Variants in PTPRG observed in about 807,000 individuals in gnomAD.
PTPRG encodes receptor-type tyrosine-protein phosphatase gamma.
Under a neutral mutation model 165.3 loss-of-function variants are expected in PTPRG, and 102 were observed. The ratio of observed to expected loss-of-function variants is 0.62; its 90% confidence interval spans 0.53 to 0.73. The LOEUF is 0.73. Among genes scored for constraint, PTPRG ranks in the 30% least tolerant of loss-of-function variants. The pLI is 0.00. For missense variants in PTPRG, 1,866 were observed against 1,861.4 expected (o/e 1.00, Z -0.05); for synonymous variants, 675 against 669.5 (o/e 1.01, Z -0.13).
chr3:62,060,004 A>G (rs2107560), intron 4 of PTPRG, among the ~76,000 whole-genome samples: 115,174 of 151,974 alleles, frequency 0.76, 44,996 homozygotes, highest in South Asian at 0.92. Flanking sequence ...CCAGTCTTGG[A>G]TATGTCTTTA....
intron 2 of PTPRG, among the ~76,000 whole-genome samples, chr3:61,882,346 C>T (rs1203876265): frequency 6.6e-6 from 1 of 152,198 alleles, no homozygotes; most frequent in Admixed American, 6.5e-5. Flanking sequence ...GATTTGTACT[C>T]TGTTTTGGGA....
intron 1 of PTPRG, among the ~76,000 whole-genome samples, chr3:61,643,495 A>G (rs959496069): frequency 1.3e-5 from 2 of 152,216 alleles, no homozygotes; most frequent in African/African-American, 2.4e-5. Context: ...AAAAGCACCT[A>G]TTGGCTGGGC....
At chr3:61,836,845 A>G (rs999975465) in intron 2 of PTPRG, among the ~76,000 whole-genome samples, 1 of 151,832 alleles carries the variant, frequency 6.6e-6, no homozygotes, top group African/African-American at 2.4e-5. Context: ...CCCGGGTTCA[A>G]GCAGTTCTCC....
chr3:62,049,281 C>G (rs1276172847), intron 4 of PTPRG, among the ~76,000 whole-genome samples: 2 of 152,138 alleles, frequency 1.3e-5, no homozygotes, highest in Non-Finnish European at 2.9e-5. Context: ...ATGCATGCCA[C>G]TTTTCACTGG....
At chr3:61,843,737 C>G (rs998474156) in intron 2 of PTPRG, among the ~76,000 whole-genome samples, 1 of 151,434 alleles carries the variant, frequency 6.6e-6, no homozygotes, top group Non-Finnish European at 1.5e-5. Flanking sequence ...AATCGTAGCT[C>G]AAATCATTTT....
chr3:62,163,186 A>G (rs1048967219), intron 7 of PTPRG, among the ~76,000 whole-genome samples: 24 of 152,268 alleles, frequency 1.6e-4, no homozygotes, highest in Non-Finnish European at 2.6e-4. Context: ...CTCCTCCAGC[A>G]TTGAGGATTA....
At position 62,203,549 on chromosome 3, in the gene PTPRG, A is replaced by G. The variant is rs772888720; in HGVS notation, c.1754A>G (p.Lys585Arg). 2.6e-6 allele frequency: 4 copies of G among 1,553,052 alleles called. No homozygotes were observed. The African/African-American group carries it at 5.5e-5, about 21-fold the overall frequency. Reference sequence around the variant, plus strand: ...ACCGAGGAAGGAGAGAAGGATGAGAAAAGCGAGAGTGAGGATGGGGAGCGG... The same window carrying G: ...ACCGAGGAAGGAGAGAAGGATGAGAGAAGCGAGAGTGAGGATGGGGAGCGG... ...EGTEEGEKDEKSESEDGEREH... is the reference protein window; with the variant it reads ...EGTEEGEKDERSESEDGEREH... The change falls in exon 12 of 30, where the codon AAA becomes AGA. Residue 585 changes from lysine to arginine, a missense_variant. Lys to Arg is a conservative substitution (Grantham distance 26, BLOSUM62 2). This residue lies in a region of PTPRG where 1,452 missense variants were observed against 1,463.0 expected (regional missense o/e 0.99). Transcript: ENST00000474889. The surrounding 1 kb of genome is among the most constrained non-coding windows in gnomAD (Gnocchi z 6.4).
Position 61,937,807 on chromosome 3 carries a change from G to A in PTPRG, c.191-51818G>A, listed in dbSNP as rs544075208. Among the ~76,000 whole-genome samples the A allele has an allele frequency of 1.1e-4, 17 of 152,222 alleles. No individual in the cohort carries two copies. The South Asian group carries it at 2.7e-3, about 24-fold the overall frequency. ...TCCCAGCTCCAGTATATTTATTAACGTCTTTTGAGTAAAGTCTTAAAATTA... is the reference window on the plus strand; with the variant it reads ...TCCCAGCTCCAGTATATTTATTAACATCTTTTGAGTAAAGTCTTAAAATTA... On this transcript the variant is annotated intron_variant, in intron 2 of 29. Coordinates refer to ENST00000474889, the MANE Select transcript of PTPRG (RefSeq NM_002841.4).
At chr3:61,960,101 C>A (rs765095178) in intron 2 of PTPRG, among the ~76,000 whole-genome samples, 4 of 152,122 alleles carry the variant, frequency 2.6e-5, no homozygotes, top group Non-Finnish European at 5.9e-5. Flanking sequence ...ATTTCACATT[C>A]AATTATCTTA....
At chr3:61,591,694 G>T (rs1384490537) in intron 1 of PTPRG, among the ~76,000 whole-genome samples, 1 of 152,164 alleles carries the variant, frequency 6.6e-6, no homozygotes, top group African/African-American at 2.4e-5. Flanking sequence ...CTTGGTGGTG[G>T]AAGCATGATA....
In PTPRG at chr3:62,024,456, G is replaced by A. The variant is rs186578476; in HGVS notation, c.519+20959G>A. On this transcript the variant is annotated intron_variant, in intron 4 of 29. Coordinates refer to ENST00000474889, the MANE Select transcript of PTPRG (RefSeq NM_002841.4). Reference sequence around the variant, plus strand: ...TTTTTAATGCCAGGTAACTTCAAAAGAATATTTGACACTGCTACTGTGATT... The same window carrying A: ...TTTTTAATGCCAGGTAACTTCAAAAAAATATTTGACACTGCTACTGTGATT... 1.2e-3 allele frequency among the ~76,000 whole-genome samples: 183 copies of A among 152,270 alleles called. 1 individual carries two copies. The highest frequency in any genetic ancestry group is 4.2e-3 in the African/African-American group (173 of 41,558).
chr3:61,729,713 T>G (rs959055461), intron 1 of PTPRG, among the ~76,000 whole-genome samples: 1 of 152,202 alleles, frequency 6.6e-6, no homozygotes, highest in East Asian at 1.9e-4. Flanking sequence ...CTAGTGATTG[T>G]TAGAACAAAG....
At chr3:61,696,026 G>C (rs2030567067) in intron 1 of PTPRG, among the ~76,000 whole-genome samples, 1 of 152,142 alleles carries the variant, frequency 6.6e-6, no homozygotes, top group African/African-American at 2.4e-5. Flanking sequence ...TCAACATGAG[G>C]TTGAGCTGAT....
intron 1 of PTPRG, among the ~76,000 whole-genome samples, chr3:61,706,202 TG>T (rs372040498): frequency 6.6e-5 from 10 of 150,850 alleles, no homozygotes; most frequent in South Asian, 2.1e-4. Context: ...AGAAATACCC[TG>T]GGGGGGAAAA....
chr3:61,647,780 A>G (rs1313023798), intron 1 of PTPRG, among the ~76,000 whole-genome samples: 5 of 96,616 alleles, frequency 5.2e-5, no homozygotes, highest in African/African-American at 2.0e-4. Context: ...TGACAGAGTG[A>G]GACTCCGTCT....
At chr3:61,874,884 C>T (rs775739734) in intron 2 of PTPRG, among the ~76,000 whole-genome samples, 4 of 152,178 alleles carry the variant, frequency 2.6e-5, no homozygotes, top group African/African-American at 4.8e-5. Flanking sequence ...ATTGCTCCAG[C>T]GTTGAGTAAA....
rs1237776264 is a variant in PTPRG at position 62,079,272 on chromosome 3, G to T, written c.615+1014G>T. On this transcript the variant is annotated intron_variant, in intron 5 of 29. Transcript: ENST00000474889. Reference sequence around the variant, plus strand: ...CTCCCTTTTCTCAAGGGAGATAAAGGCTCAAATGAGAGATCAGATGAAAAT... The same window carrying T: ...CTCCCTTTTCTCAAGGGAGATAAAGTCTCAAATGAGAGATCAGATGAAAAT... Among the ~76,000 whole-genome samples, 3 of 152,098 alleles carry T rather than the reference G, an allele frequency of 2.0e-5. No individual in the cohort carries two copies. The East Asian group carries it at 5.8e-4, about 29-fold the overall frequency.
chr3:61,970,654 A>AT (rs891424909), intron 2 of PTPRG, among the ~76,000 whole-genome samples: 26 of 149,358 alleles, frequency 1.7e-4, no homozygotes, highest in South Asian at 6.4e-4. Flanking sequence ...CTTAACTGTG[A>AT]TTTTTTTTTA....
chr3:61,624,632 G>A (rs981346292), intron 1 of PTPRG, among the ~76,000 whole-genome samples: 1 of 152,098 alleles, frequency 6.6e-6, no homozygotes, highest in Non-Finnish European at 1.5e-5. Context: ...ATATGTTTAA[G>A]CCTCTGATAG....
Sources: allele counts gnomAD v4.1 joint callset (sites outside exome capture counted in the v4.1 genomes callset), GRCh38; gene constraint gnomAD v4.1.1; regional missense constraint gnomAD v4.1.1; non-coding constraint Gnocchi (gnomAD v3.1); transcripts MANE v1.5; gene names NCBI Gene and HGNC (gene_info 2026-07-23, HGNC 2026-07-21).